Variants in MLLT3 observed in about 807,000 individuals in gnomAD.
MLLT3 encodes the protein protein AF-9.
Under a neutral mutation model 53.2 loss-of-function variants are expected in MLLT3, and 4 were observed. The ratio of observed to expected loss-of-function variants is 0.08; its 90% CI spans 0.04 to 0.17. MLLT3 has a LOEUF of 0.17. Ranked by LOEUF, MLLT3 falls within the 10% of genes least tolerant of loss-of-function variation. The pLI, the probability that MLLT3 is intolerant of heterozygous loss-of-function variation, is 1.00. For synonymous variants in MLLT3, 283 were observed against 230.6 expected, an observed-to-expected ratio of 1.23 and a Z score of -2.06; for missense variants, 569 against 684.0, an observed-to-expected ratio of 0.83 and a Z score of 1.87.
At chr9:20,535,207 T>C (rs926388801) in intron 2 of MLLT3, among the ~76,000 whole-genome samples, 1 of 152,210 alleles carries the variant, frequency 6.6e-6, no homozygotes, top group African/African-American at 2.4e-5. Flanking sequence ...AAACCTCCTG[T>C]GAACTGCACA....
At chr9:20,408,827 C>T (rs539905883) in intron 5 of MLLT3, among the ~76,000 whole-genome samples, 4 of 152,074 alleles carry the variant, frequency 2.6e-5, no homozygotes, top group Admixed American at 1.3e-4. Flanking sequence ...GGGCAATGAA[C>T]AGGGTGGGGC....
intron 6 of MLLT3, among the ~76,000 whole-genome samples, chr9:20,365,230 G>A (rs923821801): frequency 1.8e-4 from 27 of 152,156 alleles, no homozygotes; most frequent in African/African-American, 6.0e-4. Flanking sequence ...ATACTCAACT[G>A]TATTCCTAAG....
intron 3 of MLLT3, among the ~76,000 whole-genome samples, chr9:20,455,801 C>A: frequency 6.6e-6 from 1 of 151,994 alleles, no homozygotes; most frequent in East Asian, 1.9e-4. Flanking sequence ...TCCTACTAAC[C>A]ACCTTATGAG....
intron 8 of MLLT3, 87 bp from the exon 9 acceptor site, chr9:20,354,966 G>A: frequency 1.2e-6 from 1 of 826,680 alleles, no homozygotes; most frequent in Non-Finnish European, 2.1e-6. Flanking sequence ...TCCACTGAAT[G>A]AAATGTACAG....
chr9:20,514,398 C>T (rs955799161), intron 2 of MLLT3, among the ~76,000 whole-genome samples: 30 of 152,188 alleles, frequency 2.0e-4, no homozygotes, highest in African/African-American at 5.8e-4. Flanking sequence ...ACTGCCCACT[C>T]GAGCTGATGC....
chr9:20,361,185 G>A (rs904773282), intron 7 of MLLT3, among the ~76,000 whole-genome samples: 2 of 152,098 alleles, frequency 1.3e-5, no homozygotes, highest in Admixed American at 6.5e-5. Context: ...TACTTTACTG[G>A]GGTCATTTAT....
intron 4 of MLLT3, among the ~76,000 whole-genome samples, chr9:20,446,183 T>G (rs1481721629): frequency 6.6e-6 from 1 of 152,220 alleles, no homozygotes; most frequent in East Asian, 1.9e-4. Context: ...GATTAGTCCC[T>G]TAAGTAACTT....
At chr9:20,567,304 TAAAAAAA>T (rs35505450) in intron 2 of MLLT3, among the ~76,000 whole-genome samples, 1 of 79,974 alleles carries the variant, frequency 1.3e-5, no homozygotes, top group African/African-American at 4.8e-5. Context: ...CTATATTCAG[TAAAAAAA>T]AAAAAAAAAA....
chr9:20,464,798 T>C (rs116848301), intron 2 of MLLT3, among the ~76,000 whole-genome samples: 291 of 152,228 alleles, frequency 1.9e-3, no homozygotes, highest in Middle Eastern at 3.4e-3. Flanking sequence ...CCTGATTTCT[T>C]CCTGTATAAC....
chr9:20,426,020 A>G (rs1406012164), intron 4 of MLLT3, among the ~76,000 whole-genome samples: 1 of 151,968 alleles, frequency 6.6e-6, no homozygotes, highest in Admixed American at 6.6e-5. Flanking sequence ...TTTTTCCTCA[A>G]ATGACTATGA....
intron 5 of MLLT3, among the ~76,000 whole-genome samples, chr9:20,387,003 T>C (rs1227555490): frequency 6.6e-6 from 1 of 152,218 alleles, no homozygotes; most frequent in Admixed American, 6.5e-5. Context: ...TATCTAAATG[T>C]TTGTATTAGC....
intron 10 of MLLT3, among the ~76,000 whole-genome samples, chr9:20,350,675 T>C (rs1253801590): frequency 2.6e-5 from 4 of 152,224 alleles, no homozygotes; most frequent in South Asian, 2.1e-4. Flanking sequence ...GCTTAACTCA[T>C]TCTTCAGATG....
chr9:20,489,013 G>C (rs1824881433), intron 2 of MLLT3, among the ~76,000 whole-genome samples: 1 of 152,150 alleles, frequency 6.6e-6, no homozygotes, highest in Admixed American at 6.5e-5. Flanking sequence ...TTGGGGGGAA[G>C]ATAGACATAT....
At chr9:20,482,997 G>A (rs1232923679) in intron 2 of MLLT3, among the ~76,000 whole-genome samples, 2 of 151,978 alleles carry the variant, frequency 1.3e-5, no homozygotes, top group Non-Finnish European at 2.9e-5. Flanking sequence ...GGATTGTACA[G>A]TACTACTTAC....
chr9:20,478,429 C>T (rs1824579732), intron 2 of MLLT3, among the ~76,000 whole-genome samples: 1 of 152,070 alleles, frequency 6.6e-6, no homozygotes, highest in Admixed American at 6.5e-5. Flanking sequence ...CACAGACGGA[C>T]TGACTAACAT....
intron 5 of MLLT3, among the ~76,000 whole-genome samples, chr9:20,401,067 G>T (rs185499411): frequency 6.6e-6 from 1 of 152,222 alleles, no homozygotes; most frequent in Non-Finnish European, 1.5e-5. Context: ...GAGAAAAAGG[G>T]AGAGTCACAG....
At chr9:20,608,277 T>C (rs1351305741) in intron 2 of MLLT3, among the ~76,000 whole-genome samples, 4 of 151,974 alleles carry the variant, frequency 2.6e-5, no homozygotes, top group Non-Finnish European at 5.9e-5. Flanking sequence ...TATTTGTAGT[T>C]GATTTTTAAA....
intron 3 of MLLT3, among the ~76,000 whole-genome samples, chr9:20,451,775 G>C (rs1475206405): frequency 6.6e-6 from 1 of 152,122 alleles, no homozygotes; most frequent in African/African-American, 2.4e-5. Flanking sequence ...TTCAGTACTT[G>C]ACATTTACTC....
chr9:20,524,511 C>G (rs551895382), intron 2 of MLLT3, among the ~76,000 whole-genome samples: 1 of 150,774 alleles, frequency 6.6e-6, no homozygotes, highest in East Asian at 1.9e-4. Context: ...CGGTGACTAA[C>G]GAAAAATAAC....
Sources: allele counts gnomAD v4.1 joint callset (sites outside exome capture counted in the v4.1 genomes callset), GRCh38; gene constraint gnomAD v4.1.1; transcripts MANE v1.5; gene names NCBI Gene and HGNC (gene_info 2026-07-23, HGNC 2026-07-21).